The following EXT1 variants were observed in gnomAD, a reference collection of about 807,000 sequenced individuals.
EXT1 encodes exostosin-1.
In EXT1, 20 loss-of-function variants were observed where a neutral mutation model predicts 82.5. The observed-to-expected ratio is 0.24, with a 90% CI of 0.17 to 0.35. The LOEUF is 0.35. EXT1 is among the 10% of genes least tolerant of loss of function. The pLI is 1.00. For missense variants in EXT1, 757 were observed against 936.5 expected (o/e 0.81, Z 2.50); for synonymous variants, 348 against 350.8 (o/e 0.99, Z 0.09).
intron 4 of EXT1, among the ~76,000 whole-genome samples, chr8:117,826,234 G>A (rs1812006431): frequency 6.6e-6 from 1 of 152,092 alleles, no homozygotes; most frequent in Non-Finnish European, 1.5e-5. Context: ...CCTGACCCTG[G>A]CATTGAAGAG....
chr8:117,939,677 C>T (rs1814237120), intron 1 of EXT1, among the ~76,000 whole-genome samples: 1 of 152,096 alleles, frequency 6.6e-6, no homozygotes, highest in African/African-American at 2.4e-5. Flanking sequence ...TGGAATTTGA[C>T]TTCAAGGCCC....
intron 1 of EXT1, among the ~76,000 whole-genome samples, chr8:117,861,444 G>A (rs1310409760): frequency 2.0e-5 from 3 of 148,934 alleles, no homozygotes; most frequent in Non-Finnish European, 4.5e-5. Flanking sequence ...GGGTATGTAT[G>A]AAAGGAGAGC....
intron 1 of EXT1, among the ~76,000 whole-genome samples, chr8:118,108,137 G>T (rs1480415513): frequency 6.6e-6 from 1 of 152,124 alleles, no homozygotes; most frequent in African/African-American, 2.4e-5. Context: ...CTTCATTGCT[G>T]ATCTCTAGAA....
At chr8:117,886,088 C>G (rs1813143134) in intron 1 of EXT1, among the ~76,000 whole-genome samples, 1 of 152,168 alleles carries the variant, frequency 6.6e-6, no homozygotes, top group African/African-American at 2.4e-5. Flanking sequence ...ATAATAAACA[C>G]TTCACGAATG....
chr8:117,866,191 C>T (rs1328608609), intron 1 of EXT1, among the ~76,000 whole-genome samples: 1 of 152,158 alleles, frequency 6.6e-6, no homozygotes, highest in African/African-American at 2.4e-5. Context: ...CGGCACTGCA[C>T]TCCAGCCTGG....
chr8:117,858,181 T>G (rs1238618653), intron 1 of EXT1, among the ~76,000 whole-genome samples: 1 of 152,212 alleles, frequency 6.6e-6, no homozygotes, highest in Admixed American at 6.5e-5. Flanking sequence ...ACTTAGAATA[T>G]TACATAAACT....
rs769461106 is a variant in EXT1, at chr8:118,006,996, T to C, written c.962+103089A>G. Among the ~76,000 whole-genome samples the C allele has an allele frequency of 8.3e-4, 126 of 152,222 alleles. 1 individual carries two copies. The highest frequency in any genetic ancestry group is 3.4e-4 in the Non-Finnish European group (23 of 68,038). ...TTAGAGTTGGCAATTAATTCAATTTTTTAAAAGCATTTGATGGCTGGCCGG... is the reference window on the plus strand; with the variant it reads ...TTAGAGTTGGCAATTAATTCAATTTCTTAAAAGCATTTGATGGCTGGCCGG... On this transcript the variant is annotated intron_variant, in intron 1 of 10. Transcript: ENST00000378204.
rs905509204 is a variant in EXT1 at position 117,968,804 on chromosome 8, T to C, written c.963-131603A>G. ...CAGGATGGTCTCGATCTCCTGACCT[T>C]GTGATCCGCCCGCCTCGGCCTCCCA... On this transcript the variant is annotated intron_variant, in intron 1 of 10. Transcript: ENST00000378204. Among the ~76,000 whole-genome samples, 6 of 139,312 alleles carry C rather than the reference T, an allele frequency of 4.3e-5. 1 individual carries two copies. The South Asian group carries it at 9.3e-4, about 22-fold the overall frequency. 91.4% of individuals were successfully genotyped at this position (139,312 alleles called of 152,430 possible). A position where few individuals can be genotyped will look rare whatever the true frequency, so the allele number is the denominator to read the frequency against.
chr8:117,822,733 A>G (rs1811946391), intron 4 of EXT1, 136 bp from the exon 5 acceptor site: 2 of 918,126 alleles, frequency 2.2e-6, no homozygotes, highest in Non-Finnish European at 3.4e-6. Context: ...AATTCTCCGG[A>G]TAAAAATGTC....
chr8:117,928,733 G>T (rs1254034155), intron 1 of EXT1, among the ~76,000 whole-genome samples: 2 of 151,706 alleles, frequency 1.3e-5, no homozygotes, highest in African/African-American at 4.8e-5. Context: ...TATGTGCAAA[G>T]CCTGTGGGTT....
At chr8:117,914,398 C>T (rs889052738) in intron 1 of EXT1, among the ~76,000 whole-genome samples, 2 of 152,096 alleles carry the variant, frequency 1.3e-5, no homozygotes, top group Non-Finnish European at 2.9e-5. Flanking sequence ...GAAATTAGTA[C>T]ACCTTGAAAA....
At chr8:117,817,927 T>C (rs1019409242) in intron 7 of EXT1, among the ~76,000 whole-genome samples, 1 of 152,192 alleles carries the variant, frequency 6.6e-6, no homozygotes, top group African/African-American at 2.4e-5. Flanking sequence ...GTAGCACTCA[T>C]GAGAATCTTT....
chr8:117,885,494 C>CAAAAAAA (rs11300586), intron 1 of EXT1, among the ~76,000 whole-genome samples: 392 of 102,900 alleles, frequency 3.8e-3, no homozygotes, highest in East Asian at 4.4e-3. Flanking sequence ...AAGTAACAGA[C>CAAAAAAA]AAAAAAAAAA....
rs112101278 is a variant in EXT1 at position 117,957,116 on chromosome 8, T to C, written c.963-119915A>G. Among the ~76,000 whole-genome samples the C allele has an allele frequency of 5.1e-3, 781 of 152,296 alleles. 9 individuals are homozygous for C. Among genetic ancestry groups the C allele is most frequent in the African/African-American group, 0.018 (751 of 41,552 alleles). On this transcript the variant is annotated intron_variant, in intron 1 of 10. Coordinates refer to ENST00000378204, the MANE Select transcript of EXT1 (RefSeq NM_000127.3). ...TTGTGTCTTGGCGACAGCACTGTGT[T>C]AAGAGTCACCAAGAGTTACACACAC...
chr8:117,861,604 T>C (rs1417376542), intron 1 of EXT1, among the ~76,000 whole-genome samples: 4 of 126,936 alleles, frequency 3.2e-5, no homozygotes, highest in Middle Eastern at 3.6e-3. Context: ...AAGTTTTTCT[T>C]GCACCTCAGC....
At chr8:117,848,586 A>G (rs1812403519) in intron 1 of EXT1, among the ~76,000 whole-genome samples, 1 of 152,150 alleles carries the variant, frequency 6.6e-6, no homozygotes, top group Non-Finnish European at 1.5e-5. Flanking sequence ...TACTCACTGG[A>G]CAAAGGAGTA....
chr8:117,825,871 T>C (rs1011010235), intron 4 of EXT1, among the ~76,000 whole-genome samples: 4 of 152,252 alleles, frequency 2.6e-5, no homozygotes, highest in African/African-American at 9.6e-5. Context: ...AAAACTCCAC[T>C]AACTATATAC....
chr8:117,819,914 T>C, intron 5 of EXT1, 120 bp from the exon 6 acceptor site: 2 of 956,970 alleles, frequency 2.1e-6, no homozygotes, highest in Non-Finnish European at 1.6e-6. Flanking sequence ...TGATTTCTCC[T>C]TTGCTTCTTA....
chr8:118,100,390 C>G (rs1817696849), intron 1 of EXT1, among the ~76,000 whole-genome samples: 2 of 152,152 alleles, frequency 1.3e-5, no homozygotes, highest in South Asian at 4.1e-4. Flanking sequence ...GGAGGCTTCC[C>G]AGTAGCTGAG....
Sources: allele counts gnomAD v4.1 joint callset (sites outside exome capture counted in the v4.1 genomes callset), GRCh38; gene constraint gnomAD v4.1.1; transcripts MANE v1.5; gene names NCBI Gene and HGNC (gene_info 2026-07-23, HGNC 2026-07-21).